The following NFIB variants were observed in gnomAD, a reference collection of about 807,000 sequenced individuals.
NFIB encodes nuclear factor I B, also known as nuclear factor 1 B-type.
In NFIB, 11 loss-of-function variants were observed where a neutral mutation model predicts 61.5. The ratio of observed to expected loss-of-function variants is 0.18; its 90% CI spans 0.11 to 0.30. The LOEUF (loss-of-function observed/expected upper bound fraction) is 0.30. NFIB is among the 10% of genes least tolerant of loss of function. The pLI, the probability that NFIB is intolerant of heterozygous loss-of-function variation, is 1.00. For synonymous variants in NFIB, 260 were observed against 216.5 expected (o/e 1.20, Z -1.76); for missense variants, 471 against 608.9 (o/e 0.77, Z 2.38).
At chr9:14,287,570 G>T (rs531535500) in intron 2 of NFIB, among the ~76,000 whole-genome samples, 1 of 151,644 alleles carries the variant, frequency 6.6e-6, no homozygotes, top group Non-Finnish European at 1.5e-5. Context: ...TTACAGGTGC[G>T]CACCACCAGG....
At chr9:14,359,571 T>A (rs73419616) in intron 1 of NFIB, among the ~76,000 whole-genome samples, 19,627 of 152,142 alleles carry the variant, frequency 0.13, 1,389 homozygotes, top group South Asian at 0.19. Context: ...CCTCCATAAA[T>A]GTGAGATAAT....
At chr9:14,318,062 G>A (rs185004211), upstream of NFIB, among the ~76,000 whole-genome samples, 1 of 152,270 alleles carries the variant, frequency 6.6e-6, no homozygotes, top group African/African-American at 2.4e-5. Flanking sequence ...AAGCACTGGT[G>A]TGACAGGCCA....
chr9:14,374,799 A>G (rs1240778384), intron 1 of NFIB, among the ~76,000 whole-genome samples: 1 of 152,096 alleles, frequency 6.6e-6, no homozygotes, highest in Non-Finnish European at 1.5e-5. Context: ...AGATCCAGTT[A>G]CTCAGGAAGC....
intron 3 of NFIB, among the ~76,000 whole-genome samples, chr9:14,156,589 T>C (rs1428609067): frequency 1.3e-5 from 2 of 152,208 alleles, no homozygotes; most frequent in African/African-American, 4.8e-5. Context: ...CCTCTGGGAA[T>C]GCCACATGAC....
intron 2 of NFIB, chr9:14,204,916 C>T: frequency 2.8e-6 from 1 of 361,272 alleles, no homozygotes; most frequent in South Asian, 3.0e-5. Flanking sequence ...CTATCAGAAC[C>T]AATTACAACG....
chr9:14,349,759 G>A (rs920767125), intron 1 of NFIB, among the ~76,000 whole-genome samples: 4 of 152,082 alleles, frequency 2.6e-5, no homozygotes, highest in African/African-American at 9.7e-5. Flanking sequence ...TGGGCTATGC[G>A]GAAAAAAGAA....
intron 1 of NFIB, among the ~76,000 whole-genome samples, chr9:14,350,078 G>A (rs2061087682): frequency 6.6e-6 from 1 of 152,156 alleles, no homozygotes; most frequent in Non-Finnish European, 1.5e-5. Flanking sequence ...GGGTCGTTTG[G>A]CGGCCCCGGG....
chr9:14,503,525 G>A, the NFIB span, among the ~76,000 whole-genome samples: 1 of 152,022 alleles, frequency 6.6e-6, no homozygotes, highest in African/African-American at 2.4e-5. Context: ...GGGCATTCTT[G>A]CAGGAGTAAG....
the NFIB span, among the ~76,000 whole-genome samples, chr9:14,424,583 A>G: frequency 2.0e-5 from 3 of 152,208 alleles, no homozygotes; most frequent in African/African-American, 7.2e-5. Flanking sequence ...CAATTTTATT[A>G]TCTCAAAAGT....
the NFIB span, among the ~76,000 whole-genome samples, chr9:14,498,028 T>C: frequency 3.3e-5 from 5 of 152,206 alleles, no homozygotes; most frequent in Non-Finnish European, 7.3e-5. Flanking sequence ...TTTGTTTTTG[T>C]ATTAAGCTCA....
chr9:14,125,227 G>A (rs1398349603), intron 7 of NFIB, among the ~76,000 whole-genome samples: 1 of 152,042 alleles, frequency 6.6e-6, no homozygotes, highest in African/African-American at 2.4e-5. Flanking sequence ...GCACGATCTC[G>A]GCTTACTGCA....
chr9:14,125,569 C>A (rs1231700060), intron 7 of NFIB, 63 bp downstream of exon 7: 1 of 1,593,972 alleles, frequency 6.3e-7, no homozygotes, highest in Admixed American at 1.8e-5. Context: ...TTGCTCCGTC[C>A]CTAAGGGGGT....
chr9:14,099,319 T>C (rs573480635), intron 10 of NFIB, among the ~76,000 whole-genome samples: 8 of 152,212 alleles, frequency 5.3e-5, no homozygotes, highest in African/African-American at 1.2e-4. Flanking sequence ...AACAGACCTA[T>C]ATTTCTTAAA....
chr9:14,514,823 C>G, the NFIB span, among the ~76,000 whole-genome samples: 1 of 152,136 alleles, frequency 6.6e-6, no homozygotes, highest in African/African-American at 2.4e-5. Context: ...ATGCGTGGGT[C>G]TTCTCTCAAC....
chr9:14,105,492 G>A (rs751392251), intron 10 of NFIB, among the ~76,000 whole-genome samples: 5 of 151,804 alleles, frequency 3.3e-5, no homozygotes, highest in Non-Finnish European at 7.4e-5. Context: ...CTTAAGCCAG[G>A]TTACTTGAGC....
intron 2 of NFIB, among the ~76,000 whole-genome samples, chr9:14,205,452 T>C (rs968932542): frequency 1.3e-5 from 2 of 151,560 alleles, no homozygotes; most frequent in African/African-American, 4.9e-5. Context: ...ATACACAAGG[T>C]ATATATTGTC....
intron 3 of NFIB, among the ~76,000 whole-genome samples, chr9:14,164,236 T>A (rs1243864219): frequency 6.6e-6 from 1 of 152,092 alleles, no homozygotes; most frequent in African/African-American, 2.4e-5. Flanking sequence ...ACAAGTATAG[T>A]CATGAATGGC....
At chr9:14,502,345 A>G in the NFIB span, among the ~76,000 whole-genome samples, 3 of 152,230 alleles carry the variant, frequency 2.0e-5, no homozygotes, top group Non-Finnish European at 4.4e-5. Flanking sequence ...TGGAGATTTC[A>G]GAATTGCAGA....
At chr9:14,423,371 C>A in the NFIB span, among the ~76,000 whole-genome samples, 5 of 152,228 alleles carry the variant, frequency 3.3e-5, no homozygotes, top group African/African-American at 7.2e-5. Flanking sequence ...ACATGTAAAT[C>A]AAGCCCTCTT....
Sources: allele counts gnomAD v4.1 joint callset (sites outside exome capture counted in the v4.1 genomes callset), GRCh38; gene constraint gnomAD v4.1.1; transcripts MANE v1.5; gene names NCBI Gene and HGNC (gene_info 2026-07-23, HGNC 2026-07-21).